OR6C6: variants seen among roughly 807,000 people sequenced by gnomAD.
OR6C6 encodes the protein olfactory receptor 6C6.
For synonymous variants in OR6C6, 140 were observed against 135.2 expected (o/e 1.04, Z -0.25); for missense variants, 411 against 366.8 (o/e 1.12, Z -0.98).
intron 1 of OR6C6, among the ~76,000 whole-genome samples, chr12:55,295,632 T>C (rs1451251364): frequency 6.6e-6 from 1 of 152,070 alleles, no homozygotes. Flanking sequence ...TTAGTTTGTC[T>C]TTTTATAACG....
At position 55,294,991 on chromosome 12, in the gene OR6C6, A is replaced by G; in HGVS notation, c.242T>C (p.Ile81Thr). The change falls in exon 2 of 2, where the codon ATA (isoleucine) becomes ACA (threonine). Residue 81 changes from isoleucine (I) to threonine (T), a missense_variant. Coordinates refer to ENST00000358433, the MANE Select transcript of OR6C6 (RefSeq NM_001005493.2). ...FTTVCIPRFL[I>T]TIVTRDKTIS... is the part of the protein sequence containing the mutation. The stretch of plus-strand genomic sequence containing the variant: ...GGTTTTGTCTCTAGTCACAATGGTT[A>G]TCAAGAATCTAGGAATACACACTGT... 1 of 1,613,516 alleles carries G rather than the reference A, an allele frequency of 6.2e-7. No individual in the cohort carries two copies. Among genetic ancestry groups the G allele is most frequent in the Non-Finnish European group, 8.5e-7 (1 of 1,179,592 alleles).
At position 55,295,082 on chromosome 12, in the gene OR6C6, G is replaced by T. The variant is rs138420259; in HGVS notation, c.151C>A (p.Pro51Thr). 1 of 1,614,006 alleles carries T rather than the reference G, an allele frequency of 6.2e-7. No homozygotes were observed. Among genetic ancestry groups the T allele is most frequent in the African/African-American group, 1.3e-5 (1 of 75,024 alleles). ...LIIIILTLLD[P>T]RLKTPMYFFL... ...AAATACATTGGCGTCTTGAGCCGGG[G>T]ATCCAGCAGGGTGAGGATGATGATG... The change falls in exon 2 of 2, where the codon CCC becomes ACC. Residue 51 changes from proline to threonine, a missense_variant. Pro to Thr is a conservative substitution (Grantham distance 38, BLOSUM62 -1). Transcript: ENST00000358433.
rs937584820 is a variant in OR6C6, at chr12:55,294,792, C to T, written c.441G>A (p.Trp147Ter). Residue 147 changes from tryptophan to a stop codon, truncating the protein, a stop_gained, in exon 2 of 2, where the codon TGG (tryptophan) becomes TGA (stop). Transcript: ENST00000358433. LOFTEE classifies it low-confidence loss of function (END_TRUNC). Reference protein sequence around the residue: ...KVCYQLVLSSWVTGFLIIFPP... With the variant: ...KVCYQLVLSS The stretch of plus-strand genomic sequence containing the variant: ...GAAATATGATTAAGAATCCAGTTAC[C>T]CAAGAGCTAAGTACAAGTTGGTAGC... The T allele has an allele frequency of 1.2e-6, 2 of 1,613,986 alleles. No homozygotes were observed. The highest frequency in any genetic ancestry group is 8.5e-7 in the Non-Finnish European group (1 of 1,179,982).
At position 55,294,713 on chromosome 12, in the gene OR6C6, G is replaced by A. The variant is rs1490593942; in HGVS notation, c.520C>T (p.His174Tyr). 4 of 1,614,006 alleles carry A rather than the reference G, an allele frequency of 2.5e-6. No individual in the cohort carries two copies. The highest frequency in any genetic ancestry group is 1.7e-5 in the Admixed American group (1 of 59,992). Residue 174 changes from histidine (H) to tyrosine (Y), a missense_variant, in exon 2 of 2, where the codon CAC (histidine) becomes TAC (tyrosine). Coordinates refer to ENST00000358433, the MANE Select transcript of OR6C6 (RefSeq NM_001005493.2). ...LDFCASKTID[H>Y]FMCETSPILQ... is the part of the protein sequence containing the mutation. Reference sequence around the variant, plus strand: ...ATAGGAGAAGTTTCACACATAAAGTGGTCAATAGTTTTGGAAGCACAAAAA... The same window carrying A: ...ATAGGAGAAGTTTCACACATAAAGTAGTCAATAGTTTTGGAAGCACAAAAA...
rs985358114 is a variant in OR6C6, at chr12:55,294,985, A to G, written c.248T>C (p.Ile83Thr). Residue 83 changes from isoleucine to threonine, a missense_variant, in exon 2 of 2, where the codon ATT (isoleucine) becomes ACT (threonine). Physicochemically the swap from Ile to Thr is moderately conservative, Grantham distance 89. Coordinates refer to ENST00000358433, the MANE Select transcript of OR6C6 (RefSeq NM_001005493.2). Reference sequence around the variant, plus strand: ...AGAAATGGTTTTGTCTCTAGTCACAATGGTTATCAAGAATCTAGGAATACA... The same window carrying G: ...AGAAATGGTTTTGTCTCTAGTCACAGTGGTTATCAAGAATCTAGGAATACA... Reference protein sequence around the residue: ...TVCIPRFLITIVTRDKTISYN... With the variant: ...TVCIPRFLITTVTRDKTISYN... 6.2e-6 allele frequency: 10 copies of G among 1,613,506 alleles called. No homozygotes were observed. In the African/African-American group the frequency reaches 6.7e-5, roughly 11 times the overall value.
chr12:55,295,396 A>T (rs1286176705), intron 1 of OR6C6, 139 bp from the exon 2 acceptor site: 11 of 480,348 alleles, frequency 2.3e-5, no homozygotes, highest in Non-Finnish European at 4.0e-5. Flanking sequence ...ACATAATTAC[A>T]TACCATAGGT....
In OR6C6 at chr12:55,296,435, T is replaced by G. The variant is rs1193682986; in HGVS notation, c.-142A>C. ...CATTTTATTATCCAATAGGCACATTTATTACCAATGATTTTTGTGGGGAGA... is the reference window on the plus strand; with the variant it reads ...CATTTTATTATCCAATAGGCACATTGATTACCAATGATTTTTGTGGGGAGA... On this transcript the variant is annotated 5_prime_UTR_variant, in exon 1 of 2. Coordinates refer to ENST00000358433, the MANE Select transcript of OR6C6 (RefSeq NM_001005493.2). 1.3e-5 allele frequency: 2 copies of G among 152,030 alleles called. No individual in the cohort carries two copies. The highest frequency in any genetic ancestry group is 2.4e-5 in the African/African-American group (1 of 41,448). The allele number at this position is 152,030 out of a possible 1,614,324, so 9.4% of individuals were successfully genotyped here.
rs746648924 is a variant in OR6C6 at position 55,295,056 on chromosome 12, G to A, written c.177C>T (p.Phe59=). Residue 59 remains phenylalanine (F), a synonymous_variant, in exon 2 of 2, where the codon TTC becomes TTT. Transcript: ENST00000358433. ...CCAAAAAGGAGAAATTACGGAGAAA[G>A]AAATACATTGGCGTCTTGAGCCGGG... ...LDPRLKTPMY[F]FLRNFSFLEV... is the part of the protein sequence containing the mutation. 3 of 1,613,988 alleles carry A rather than the reference G, an allele frequency of 1.9e-6. No homozygotes were observed. The highest frequency in any genetic ancestry group is 4.5e-5 in the East Asian group (2 of 44,850).
rs1565656523 is a variant in OR6C6 at position 55,295,146 on chromosome 12, T to C, written c.87A>G (p.Leu29=). The C allele has an allele frequency of 6.2e-7, 1 of 1,613,690 alleles. No individual in the cohort carries two copies. Among genetic ancestry groups the C allele is most frequent in the Non-Finnish European group, 8.5e-7 (1 of 1,179,820 alleles). The change falls in exon 2 of 2, where the codon CTA becomes CTG. Residue 29 remains leucine (L), a synonymous_variant. Coordinates refer to ENST00000358433, the MANE Select transcript of OR6C6 (RefSeq NM_001005493.2). The part of the protein sequence containing the change: ...PQLQIVIFLF[L]FLNYTLSLMG... ...TCAGGCTCAAGGTGTAGTTGAGAAATAGAAACAGGAAAATCACAATTTGCA... is the reference window on the plus strand; with the variant it reads ...TCAGGCTCAAGGTGTAGTTGAGAAACAGAAACAGGAAAATCACAATTTGCA...
chr12:55,295,788 C>A (rs12582734), intron 1 of OR6C6, among the ~76,000 whole-genome samples: 46,062 of 151,662 alleles, frequency 0.3, 7,574 homozygotes, highest in East Asian at 0.48. Context: ...TGAGAATACA[C>A]CATATTATTA....
In OR6C6 at chr12:55,294,634, A is replaced by T. The variant is rs76796682; in HGVS notation, c.599T>A (p.Leu200Ter). 1.4e-3 allele frequency: 2,212 copies of T among 1,613,984 alleles called. 43 individuals are homozygous for T. The African/African-American group carries it at 0.026, about 19-fold the overall frequency. The change falls in exon 2 of 2, where the codon TTA (leucine) becomes TAA (stop). Residue 200 changes from leucine to a stop codon, truncating the protein, a stop_gained. Coordinates refer to ENST00000358433, the MANE Select transcript of OR6C6 (RefSeq NM_001005493.2). LOFTEE classifies it low-confidence loss of function (END_TRUNC). ...THVLELMSFT[L>*]AVVTLVVTLV... ...TGTGACCACAAGTGTCACCACAGCT[A>T]AGGTAAAAGACATCAATTCTAGGAC...
At position 55,294,258 on chromosome 12, in the gene OR6C6, T is replaced by TA. The variant is rs778522327; in HGVS notation, c.*29dup. The TA allele has an allele frequency of 6.5e-6, 9 of 1,394,124 alleles. No individual in the cohort carries two copies. The Admixed American group carries it at 1.1e-4, about 18-fold the overall frequency. 86.4% of individuals were successfully genotyped at this position (1,394,124 alleles called of 1,614,324 possible). A position where few individuals can be genotyped will look rare whatever the true frequency, so the allele number is the denominator to read the frequency against. ...CCATGCCAGGCCGTTTTCCAGTTTT[T>TA]ATGGTAAAGTTGTAATTTGTAGCAG... On this transcript the variant is annotated 3_prime_UTR_variant, in exon 2 of 2. Transcript: ENST00000358433.
chr12:55,294,431 C>T lies in OR6C6; in HGVS notation c.802G>A (p.Val268Ile). 1.9e-6 allele frequency: 3 copies of T among 1,613,384 alleles called. No individual in the cohort carries two copies. Among genetic ancestry groups the T allele is most frequent in the South Asian group, 1.1e-5 (1 of 91,060 alleles). ...TAGAGCAAAGCTACACCTTTGGATACAGTCACTCTTTCTTTTGCAGATGGT... is the reference window on the plus strand; with the variant it reads ...TAGAGCAAAGCTACACCTTTGGATATAGTCACTCTTTCTTTTGCAGATGGT... ...IKPSAKERVTVSKGVALLYTS... is the reference protein window; with the variant it reads ...IKPSAKERVTISKGVALLYTS... The change falls in exon 2 of 2, where the codon GTA (valine) becomes ATA (isoleucine). Residue 268 changes from valine to isoleucine, a missense_variant. By Grantham distance (29) the Val-to-Ile change is conservative. Transcript: ENST00000358433.
rs1204624214 is a variant in OR6C6, at chr12:55,294,097, A to T, written c.*191T>A. On this transcript the variant is annotated 3_prime_UTR_variant, in exon 2 of 2. Coordinates refer to ENST00000358433, the MANE Select transcript of OR6C6 (RefSeq NM_001005493.2). ...GTAGCTGGGATTACAGGCACTCTCCACCACGCCCAGCTAATTTTTGTACTT... is the reference window on the plus strand; with the variant it reads ...GTAGCTGGGATTACAGGCACTCTCCTCCACGCCCAGCTAATTTTTGTACTT... The T allele has an allele frequency of 2.6e-5, 12 of 469,200 alleles. No homozygotes were observed. The highest frequency in any genetic ancestry group is 4.2e-5 in the Non-Finnish European group (11 of 259,236). The allele number at this position is 469,200 out of a possible 1,614,324, so 29.1% of individuals were successfully genotyped here.
chr12:55,294,775 A>T lies in OR6C6; in HGVS notation c.458T>A (p.Ile153Asn). ...TCCCATGACCAATGGGGGAAATATG[A>T]TTAAGAATCCAGTTACCCAAGAGCT... ...VLSSWVTGFL[I>N]IFPPLVMGLK... Residue 153 changes from isoleucine to asparagine, a missense_variant, in exon 2 of 2, where the codon ATC becomes AAC. Coordinates refer to ENST00000358433, the MANE Select transcript of OR6C6 (RefSeq NM_001005493.2). 1.9e-6 allele frequency: 3 copies of T among 1,614,088 alleles called. No individual in the cohort carries two copies. Among genetic ancestry groups the T allele is most frequent in the Non-Finnish European group, 2.5e-6 (3 of 1,179,978 alleles).
Position 55,295,187 on chromosome 12 carries a change from T to C in OR6C6, c.46A>G (p.Thr16Ala), listed in dbSNP as rs1868250090. ...ACAATTTGCAACTGTGGGTCATCTG[T>C]CAATCCTAGGAGAATGAACTCTATT... The part of the protein sequence containing the change: ...MEIEFILLGL[T>A]DDPQLQIVIF... Residue 16 changes from threonine (T) to alanine (A), a missense_variant, in exon 2 of 2, where the codon ACA (threonine) becomes GCA (alanine). Coordinates refer to ENST00000358433, the MANE Select transcript of OR6C6 (RefSeq NM_001005493.2). 6.2e-7 allele frequency: 1 copy of C among 1,613,080 alleles called. No homozygotes were observed. The highest frequency in any genetic ancestry group is 1.1e-5 in the South Asian group (1 of 90,980).
chr12:55,294,878 C>T lies in OR6C6; in HGVS notation c.355G>A (p.Asp119Asn), dbSNP rs774070804. The T allele has an allele frequency of 1.1e-5, 17 of 1,613,880 alleles. No individual in the cohort carries two copies. In the Middle Eastern group the frequency reaches 4.9e-4, roughly 47 times the overall value. The change falls in exon 2 of 2, where the codon GAC becomes AAC. Residue 119 changes from aspartate to asparagine, a missense_variant. Asp to Asn is a conservative substitution (Grantham distance 23). Transcript: ENST00000358433. ...EFYLLAAMSY[D>N]RYVAICKPLH... ...GGTTTGCAGATGGCAACGTAGCGGT[C>T]ATAGGACATGGCAGCCAGGAGGTAA... is the stretch of plus-strand genomic sequence containing the variant.
rs763311940 is a variant in OR6C6, at chr12:55,294,929, T to TA, written c.303dup (p.Ile102TyrfsTer8). ...AACTCAGTAACTCCCGGTAAAAGGA[T>TA]AAAAAATAATTGAGTTGCACAATTA... On this transcript the variant is annotated frameshift_variant, in exon 2 of 2. Coordinates refer to ENST00000358433, the MANE Select transcript of OR6C6 (RefSeq NM_001005493.2). LOFTEE classifies it low-confidence loss of function (END_TRUNC). The TA allele has an allele frequency of 6.2e-7, 1 of 1,613,702 alleles. No individual in the cohort carries two copies. The highest frequency in any genetic ancestry group is 1.3e-5 in the African/African-American group (1 of 74,908).
rs1868257138 is a variant in OR6C6, at chr12:55,296,516, T to C, written c.-223A>G. On this transcript the variant is annotated 5_prime_UTR_variant, in exon 1 of 2. It removes an upstream start codon present in the reference 5' UTR. Coordinates refer to ENST00000358433, the MANE Select transcript of OR6C6 (RefSeq NM_001005493.2). ...GAATTTCCACATTTCCTCAACTTCA[T>C]CCTCACTATAAAGATTGATACTCAG... 6.6e-6 allele frequency: 1 copy of C among 151,992 alleles called. No individual in the cohort carries two copies. The highest frequency in any genetic ancestry group is 1.5e-5 in the Non-Finnish European group (1 of 67,932). The allele number at this position is 151,992 out of a possible 1,614,324, so 9.4% of individuals were successfully genotyped here. A position where few individuals can be genotyped will look rare whatever the true frequency, so the allele number is the denominator to read the frequency against.
Sources: gnomAD v4.1 joint callset for allele counts (sites outside exome capture counted in the v4.1 genomes callset) on GRCh38, gnomAD v4.1.1 for gene constraint, MANE v1.5 for transcripts, NCBI Gene and HGNC (gene_info 2026-07-23, HGNC 2026-07-21) for gene names.